Variants in ATP8B1 observed in about 807,000 individuals in gnomAD.
The protein encoded by ATP8B1 is phospholipid-transporting ATPase IC.
ATP8B1 carries 80 observed loss-of-function variants against 149.9 expected under a neutral mutation model. That is an observed-to-expected ratio of 0.53 (90% CI 0.45 to 0.64). The LOEUF (loss-of-function observed/expected upper bound fraction) is 0.64, where lower values mean the gene tolerates loss of function less well. Among genes scored for constraint, ATP8B1 ranks in the 30% least tolerant of loss-of-function variants. The pLI is 0.00. For missense variants in ATP8B1, 1,247 were observed against 1,552.6 expected (o/e 0.80, Z 3.31); for synonymous variants, 536 against 562.8 (o/e 0.95, Z 0.67).
chr18:57,762,307 T>A (rs146797433), intron 1 of ATP8B1, among the ~76,000 whole-genome samples: 2,265 of 151,928 alleles, frequency 0.015, 24 homozygotes, highest in Middle Eastern at 0.024. Context: ...CCTGGCTAAT[T>A]TTTGTATTTT....
chr18:57,665,251 A>T (rs1910778504), intron 20 of ATP8B1, among the ~76,000 whole-genome samples: 1 of 152,000 alleles, frequency 6.6e-6, no homozygotes, highest in African/African-American at 2.4e-5. Context: ...AAAAATGAAG[A>T]TACCTTCTAT....
intron 19 of ATP8B1, 64 bp downstream of exon 19, chr18:57,668,364 CA>C (rs1911013130): frequency 6.9e-7 from 1 of 1,455,266 alleles, no homozygotes; most frequent in Non-Finnish European, 9.6e-7. Context: ...TCATCTTGGG[CA>C]AAGGAAACGG....
chr18:57,699,493 T>C (rs1913004965), intron 6 of ATP8B1, among the ~76,000 whole-genome samples: 1 of 151,566 alleles, frequency 6.6e-6, no homozygotes, highest in Admixed American at 6.6e-5. Flanking sequence ...TCCCAGCACT[T>C]TGGGAGGCCG....
chr18:57,659,246 A>G (rs998235675), intron 22 of ATP8B1, among the ~76,000 whole-genome samples: 9 of 151,884 alleles, frequency 5.9e-5, no homozygotes, highest in Non-Finnish European at 1.0e-4. Flanking sequence ...ACTGCACCCC[A>G]GCCTGGGCCA....
At chr18:57,707,764 C>T (rs1334335263) in intron 2 of ATP8B1, among the ~76,000 whole-genome samples, 1 of 151,420 alleles carries the variant, frequency 6.6e-6, no homozygotes, top group Non-Finnish European at 1.5e-5. Context: ...GCCTTGGCCT[C>T]CCAAAGTCCT....
intron 1 of ATP8B1, among the ~76,000 whole-genome samples, chr18:57,753,472 C>T (rs533581141): frequency 6.8e-6 from 1 of 147,744 alleles, no homozygotes; most frequent in South Asian, 2.4e-4. Context: ...TCACATAAAC[C>T]AATGTATTAA....
Position 57,763,714 on chromosome 18 carries a change from C to T in ATP8B1, c.-25-31882G>A, listed in dbSNP as rs115305769. ...CTTCACTGTTCTTTTTTTTGGGGGG[C>T]GGGGGGATGAAGCTTTGAAAAATTT... On this transcript the variant is annotated intron_variant, in intron 1 of 27. Coordinates refer to ENST00000648908, the MANE Select transcript of ATP8B1 (RefSeq NM_001374385.1). Among the ~76,000 whole-genome samples, 1,388 of 148,062 alleles carry T rather than the reference C, an allele frequency of 9.4e-3. 22 individuals are homozygous for T. Among genetic ancestry groups the T allele is most frequent in the African/African-American group, 0.029 (1,157 of 39,968 alleles).
chr18:57,697,785 G>T lies in ATP8B1; in HGVS notation c.627+10C>A, dbSNP rs145823405. 3.7e-6 allele frequency: 6 copies of T among 1,613,400 alleles called. No individual in the cohort carries two copies. In the South Asian group the frequency reaches 6.6e-5, roughly 18 times the overall value. On this transcript the variant is annotated intron_variant, in intron 7 of 27. Transcript: ENST00000648908. ...ACAAGGAACAAGAGAAGCAGAATTT[G>T]TTCACTTACTGGAACAAAATCATTT...
At chr18:57,740,829 G>A (rs1345846521) in intron 1 of ATP8B1, 1 of 152,076 alleles carries the variant, frequency 6.6e-6, no homozygotes, top group East Asian at 1.9e-4. Flanking sequence ...TCCCTCCTTG[G>A]CCTCACAAAA....
Position 57,685,129 on chromosome 18 carries a change from A to G in ATP8B1, c.1430-14T>C, listed in dbSNP as rs759424253. 2.5e-6 allele frequency: 4 copies of G among 1,614,066 alleles called. No individual in the cohort carries two copies. Among genetic ancestry groups the G allele is most frequent in the South Asian group, 1.1e-5 (1 of 91,088 alleles). ...CCCGATGGTCCCCTGAGAAACAAAC[A>G]GGACAAAACAAATTGATTCTACACC... On this transcript the variant is annotated splice_polypyrimidine_tract_variant and intron_variant, in intron 13 of 27. Coordinates refer to ENST00000648908, the MANE Select transcript of ATP8B1 (RefSeq NM_001374385.1).
intron 4 of ATP8B1, among the ~76,000 whole-genome samples, chr18:57,702,163 A>G (rs1258517366): frequency 2.6e-5 from 4 of 152,240 alleles, no homozygotes. Flanking sequence ...GCATTAGAAG[A>G]AAGTGCTTCC....
At chr18:57,661,563 G>T in intron 21 of ATP8B1, 101 bp from the exon 22 acceptor site, 1 of 1,268,370 alleles carries the variant, frequency 7.9e-7, no homozygotes, top group Non-Finnish European at 1.1e-6. Context: ...TTTGGATTAT[G>T]TCACTGATTA....
chr18:57,765,444 C>T (rs866382082), intron 1 of ATP8B1, among the ~76,000 whole-genome samples: 3 of 151,976 alleles, frequency 2.0e-5, no homozygotes, highest in African/African-American at 4.8e-5. Context: ...TCAAGGCAGG[C>T]GGATCACAAG....
intron 6 of ATP8B1, among the ~76,000 whole-genome samples, chr18:57,700,784 G>A (rs1913076067): frequency 6.6e-6 from 1 of 152,172 alleles, no homozygotes; most frequent in Admixed American, 6.5e-5. Context: ...TGAGCATGGT[G>A]GTGCACGCCT....
chr18:57,656,976 A>C (rs771190825), intron 22 of ATP8B1, among the ~76,000 whole-genome samples: 23 of 151,768 alleles, frequency 1.5e-4, no homozygotes, highest in Non-Finnish European at 1.5e-4. Context: ...TGTTTAAATA[A>C]ATTTACTTTT....
In ATP8B1 at chr18:57,759,627, A is replaced by G. The variant is rs528819676; in HGVS notation, c.-25-27795T>C. On this transcript the variant is annotated intron_variant, in intron 1 of 27. Coordinates refer to ENST00000648908, the MANE Select transcript of ATP8B1 (RefSeq NM_001374385.1). ...GATGGAGATCATCCTGGCTAACACA[A>G]TGAAACCCCATCTCTACTAAAAATA... Among the ~76,000 whole-genome samples, 64 of 151,734 alleles carry G rather than the reference A, an allele frequency of 4.2e-4. 2 individuals carry two copies. The South Asian group carries it at 0.013, about 31-fold the overall frequency.
chr18:57,769,490 CA>C (rs2080247374), intron 1 of ATP8B1, among the ~76,000 whole-genome samples: 1 of 152,202 alleles, frequency 6.6e-6, no homozygotes, highest in Admixed American at 6.5e-5. Flanking sequence ...GCAAGAAACT[CA>C]GTGCAAGGCT....
chr18:57,730,925 T>C (rs2079758037), intron 2 of ATP8B1, among the ~76,000 whole-genome samples: 1 of 152,068 alleles, frequency 6.6e-6, no homozygotes, highest in Non-Finnish European at 1.5e-5. Flanking sequence ...CATCTAAGAC[T>C]GATTGATATG....
At chr18:57,737,514 A>C (rs1195231397) in intron 1 of ATP8B1, among the ~76,000 whole-genome samples, 1 of 151,294 alleles carries the variant, frequency 6.6e-6, no homozygotes, top group Admixed American at 6.6e-5. Context: ...CAGCCTCCCT[A>C]GTAACTAGGA....
Sources: gnomAD v4.1 joint callset for allele counts (sites outside exome capture counted in the v4.1 genomes callset) on GRCh38, gnomAD v4.1.1 for gene constraint, MANE v1.5 for transcripts, NCBI Gene and HGNC (gene_info 2026-07-23, HGNC 2026-07-21) for gene names.